The following POLK variants were observed in gnomAD, a reference collection of about 807,000 sequenced individuals.
POLK encodes DNA polymerase kappa, also known as polymerase (DNA directed) kappa.
In POLK, 76 loss-of-function variants were observed where a neutral mutation model predicts 94.0. The observed-to-expected ratio is 0.81, with a 90% CI of 0.67 to 0.98. The LOEUF (loss-of-function observed/expected upper bound fraction) is 0.98, where lower values mean the gene tolerates loss of function less well. Among genes scored for constraint, POLK ranks in the 50% least tolerant of loss-of-function variants. POLK has a pLI of 0.00. For missense variants in POLK, 954 were observed against 1,010.1 expected (o/e 0.94, Z 0.75); for synonymous variants, 349 against 325.4 (o/e 1.07, Z -0.78).
chr5:75,512,919 G>C (rs567985874), intron 1 of POLK: 1 of 152,404 alleles, frequency 6.6e-6, no homozygotes, highest in Admixed American at 6.5e-5. Flanking sequence ...CCTGAGGCCG[G>C]GAGTTTGAGA....
At chr5:75,575,042 T>G (rs1771801365) in intron 5 of POLK, among the ~76,000 whole-genome samples, 1 of 152,248 alleles carries the variant, frequency 6.6e-6, no homozygotes, top group Admixed American at 6.5e-5. Flanking sequence ...GTCAGAGAAC[T>G]CTTCAAATTT....
At chr5:75,576,059 A>G (rs376629667) in intron 5 of POLK, among the ~76,000 whole-genome samples, 123 of 152,292 alleles carry the variant, frequency 8.1e-4, no homozygotes, top group African/African-American at 2.9e-3. Flanking sequence ...ACACTATGTT[A>G]TATAAAAGGC....
intron 3 of POLK, among the ~76,000 whole-genome samples, chr5:75,565,659 T>C (rs571816040): frequency 4.0e-4 from 61 of 152,264 alleles, no homozygotes; most frequent in Non-Finnish European, 2.9e-5. Flanking sequence ...TCTGCTGGAG[T>C]TTGCTGGAGG....
intron 1 of POLK, among the ~76,000 whole-genome samples, chr5:75,545,735 T>G (rs539334184): frequency 6.6e-6 from 1 of 152,340 alleles, no homozygotes; most frequent in African/African-American, 2.4e-5. Flanking sequence ...CATTTGAACT[T>G]AACGTGTATA....
rs770269433 is a variant in POLK at position 75,584,811 on chromosome 5, A to G, written c.1111A>G (p.Ile371Val). Residue 371 changes from isoleucine to valine, a missense_variant, in exon 9 of 15, where the codon ATT becomes GTT. Physicochemically the swap from Ile to Val is conservative, Grantham distance 29. Coordinates refer to ENST00000241436, the Ensembl canonical transcript of POLK. ...GAAAATGTTAAAGGCCCTTGGAATT[A>G]TTACATGTACAGAACTTTACCAACA... The G allele has an allele frequency of 1.8e-5, 29 of 1,591,592 alleles. No homozygotes were observed. The South Asian group carries it at 3.2e-4, about 17-fold the overall frequency.
At chr5:75,511,358 CCCGCCGCGCCG>C (rs1016443351), upstream of POLK, 10 of 1,545,096 alleles carry the variant, frequency 6.5e-6, no homozygotes, top group African/African-American at 1.4e-5. Context: ...ACGAAGTCCG[CCCGCCGCGCCG>C]CCGCCGCGCC....
At chr5:75,516,109 A>G (rs1230825318) in intron 1 of POLK, among the ~76,000 whole-genome samples, 4 of 152,188 alleles carry the variant, frequency 2.6e-5, no homozygotes, top group African/African-American at 7.2e-5. Flanking sequence ...AGCTCCTTAT[A>G]TATTCTGGTT....
chr5:75,600,089 C>T (rs192394370), exon 15 of POLK: 2 of 152,114 alleles, frequency 1.3e-5, no homozygotes, highest in Non-Finnish European at 2.9e-5. Flanking sequence ...ATATATATAA[C>T]TGGTGAAAAA....
intron 1 of POLK, among the ~76,000 whole-genome samples, chr5:75,543,153 C>T (rs1769839901): frequency 1.3e-5 from 2 of 151,928 alleles, no homozygotes; most frequent in South Asian, 4.2e-4. Flanking sequence ...AGCGTTTCTC[C>T]TGTCTCAGCC....
At chr5:75,580,805 A>G (rs191141602) in intron 6 of POLK, among the ~76,000 whole-genome samples, 2 of 151,166 alleles carry the variant, frequency 1.3e-5, no homozygotes, top group Admixed American at 1.3e-4. Context: ...TGTTTATTAT[A>G]TTCTAAATTC....
chr5:75,579,465 G>A (rs1772088187), intron 6 of POLK, among the ~76,000 whole-genome samples: 1 of 151,710 alleles, frequency 6.6e-6, no homozygotes, highest in Admixed American at 6.6e-5. Context: ...TGCCTCCTGG[G>A]TTGAAGTAAT....
At chr5:75,526,989 C>G (rs1404948374) in intron 1 of POLK, among the ~76,000 whole-genome samples, 1 of 152,152 alleles carries the variant, frequency 6.6e-6, no homozygotes, top group African/African-American at 2.4e-5. Context: ...GTTTATCTCT[C>G]AGTCTGATTT....
chr5:75,538,125 A>T (rs1769545621), intron 1 of POLK, among the ~76,000 whole-genome samples: 1 of 152,116 alleles, frequency 6.6e-6, no homozygotes, highest in Admixed American at 6.6e-5. Context: ...CAAAGTGCTG[A>T]GATTACAGGC....
intron 3 of POLK, among the ~76,000 whole-genome samples, chr5:75,561,986 A>G (rs1263544326): frequency 6.6e-6 from 1 of 152,030 alleles, no homozygotes; most frequent in Non-Finnish European, 1.5e-5. Flanking sequence ...TCTTGGCTAT[A>G]CAAGCTCTTT....
At chr5:75,589,359 T>G (rs897942014) in intron 10 of POLK, among the ~76,000 whole-genome samples, 4 of 149,420 alleles carry the variant, frequency 2.7e-5, no homozygotes, top group Non-Finnish European at 4.5e-5. Context: ...AATGTCTTCT[T>G]GTTTGCTTAT....
intron 6 of POLK, chr5:75,580,696 A>G (rs1772148581): frequency 5.4e-6 from 1 of 185,750 alleles, no homozygotes; most frequent in Non-Finnish European, 1.0e-5. Flanking sequence ...GAAAATTCAG[A>G]TTATTTTAAC....
chr5:75,549,576 A>G (rs1335628127), intron 2 of POLK, among the ~76,000 whole-genome samples: 1 of 152,094 alleles, frequency 6.6e-6, no homozygotes, highest in East Asian at 1.9e-4. Context: ...TGATTGGTAT[A>G]TAAAAATACA....
At chr5:75,561,669 G>A (rs1461476636) in intron 3 of POLK, among the ~76,000 whole-genome samples, 4 of 152,144 alleles carry the variant, frequency 2.6e-5, no homozygotes, top group Non-Finnish European at 4.4e-5. Context: ...AATCCATCTT[G>A]AGTTAATTGT....
At chr5:75,600,337 G>T (rs930332564) in exon 15 of POLK, 2 of 152,146 alleles carry the variant, frequency 1.3e-5, no homozygotes, top group African/African-American at 4.8e-5. Flanking sequence ...CTAAGTTTTG[G>T]TGATGATGTC....
Sources: gnomAD v4.1 joint callset for allele counts (sites outside exome capture counted in the v4.1 genomes callset) on GRCh38, gnomAD v4.1.1 for gene constraint, MANE v1.5 for transcripts, NCBI Gene and HGNC (gene_info 2026-07-23, HGNC 2026-07-21) for gene names.